The following SEMA6A variants were observed in gnomAD, a reference collection of about 807,000 sequenced individuals.
The protein encoded by SEMA6A is semaphorin-6A.
A neutral mutation model predicts 96.8 loss-of-function variants in SEMA6A; 25 were observed. The ratio of observed to expected loss-of-function variants is 0.26; its 90% confidence interval spans 0.19 to 0.36. SEMA6A has a LOEUF of 0.36. Ranked by LOEUF, SEMA6A falls within the 10% of genes least tolerant of loss-of-function variation. The pLI is 1.00. For synonymous variants in SEMA6A, 612 were observed against 518.0 expected, an observed-to-expected ratio of 1.18 and a Z score of -2.46; for missense variants, 1,363 against 1,323.1, an observed-to-expected ratio of 1.03 and a Z score of -0.47.
At chr5:116,481,600 A>G (rs1756775649) in intron 11 of SEMA6A, among the ~76,000 whole-genome samples, 1 of 152,170 alleles carries the variant, frequency 6.6e-6, no homozygotes, top group Non-Finnish European at 1.5e-5. Flanking sequence ...AATTAGTAAG[A>G]CATTGGGCTT....
intron 1 of SEMA6A, among the ~76,000 whole-genome samples, chr5:116,559,648 A>T (rs1329730792): frequency 6.6e-6 from 1 of 152,146 alleles, no homozygotes; most frequent in East Asian, 1.9e-4. Context: ...ATTATGTGTC[A>T]CTTAAATACG....
In SEMA6A at chr5:116,507,604, C is replaced by T. The variant is rs560009636; in HGVS notation, c.-38-2622G>A. ...CTTTCAAAACTTTGAAAAGTGCTAC[C>T]CACATGTAGCATATTTATAGGTATC... On this transcript the variant is annotated intron_variant, in intron 1 of 18. Coordinates refer to ENST00000343348, the MANE Select transcript of SEMA6A (RefSeq NM_020796.5). Among the ~76,000 whole-genome samples the T allele has an allele frequency of 9.9e-5, 15 of 152,230 alleles. 1 individual carries two copies. The highest frequency in any genetic ancestry group is 3.4e-4 in the African/African-American group (14 of 41,562).
intron 18 of SEMA6A, among the ~76,000 whole-genome samples, chr5:116,459,289 T>G (rs1343803240): frequency 6.6e-6 from 1 of 152,182 alleles, no homozygotes; most frequent in Non-Finnish European, 1.5e-5. Context: ...TTTCCCAAAC[T>G]TATTGTGTAC....
At chr5:116,450,002 C>A (rs1431223138) in intron 18 of SEMA6A, 1 of 152,210 alleles carries the variant, frequency 6.6e-6, no homozygotes, top group African/African-American at 2.4e-5. Context: ...ATTTTAGTAC[C>A]TATTCACCAA....
At chr5:116,535,166 A>G (rs1221559225) in intron 1 of SEMA6A, among the ~76,000 whole-genome samples, 1 of 152,238 alleles carries the variant, frequency 6.6e-6, no homozygotes, top group Admixed American at 6.5e-5. Flanking sequence ...TGAGAGGAGC[A>G]CACAGCACAA....
chr5:116,514,296 CG>C (rs774138437), intron 1 of SEMA6A, among the ~76,000 whole-genome samples: 19 of 151,884 alleles, frequency 1.3e-4, no homozygotes, highest in Non-Finnish European at 2.2e-4. Flanking sequence ...TAGTATCTGT[CG>C]TTTTTTTACT....
intron 1 of SEMA6A, among the ~76,000 whole-genome samples, chr5:116,522,212 A>G (rs1211518758): frequency 6.6e-6 from 1 of 152,034 alleles, no homozygotes; most frequent in Non-Finnish European, 1.5e-5. Flanking sequence ...TATGTTGTAC[A>G]TTTTTATGTT....
intron 18 of SEMA6A, among the ~76,000 whole-genome samples, chr5:116,461,003 G>T (rs1348032671): frequency 2.0e-5 from 3 of 151,960 alleles, no homozygotes; most frequent in Non-Finnish European, 1.5e-5. Context: ...TAAAAGTTTA[G>T]AGCAATAAAA....
chr5:116,547,356 T>A (rs931726481), intron 1 of SEMA6A, among the ~76,000 whole-genome samples: 2 of 152,206 alleles, frequency 1.3e-5, no homozygotes, highest in African/African-American at 4.8e-5. Flanking sequence ...ACCCTCTGAA[T>A]GTATTCATCC....
At chr5:116,487,746 C>A (rs1202426517) in intron 9 of SEMA6A, among the ~76,000 whole-genome samples, 1 of 152,076 alleles carries the variant, frequency 6.6e-6, no homozygotes, top group Non-Finnish European at 1.5e-5. Context: ...TGCCTGTAAT[C>A]CCAGCTACTC....
chr5:116,459,661 T>G (rs1755248132), intron 18 of SEMA6A, among the ~76,000 whole-genome samples: 1 of 152,176 alleles, frequency 6.6e-6, no homozygotes, highest in African/African-American at 2.4e-5. Flanking sequence ...CTTCAAGACT[T>G]TGAAAGGTCT....
At position 116,545,188 on chromosome 5, in the gene SEMA6A, C is replaced by T. The variant is rs116990789; in HGVS notation, c.-39+28997G>A. 2.3e-4 allele frequency among the ~76,000 whole-genome samples: 35 copies of T among 152,294 alleles called. 1 individual carries two copies. The East Asian group carries it at 6.8e-3, about 29-fold the overall frequency. ...CATATCCCTGCTCTCTTTGAAATAG[C>T]CAGTCGGGTTTAGCTTAGATTGTGC... On this transcript the variant is annotated intron_variant, in intron 1 of 18. Coordinates refer to ENST00000343348, the MANE Select transcript of SEMA6A (RefSeq NM_020796.5).
At chr5:116,562,929 G>A (rs563774229) in intron 1 of SEMA6A, 113 of 588,826 alleles carry the variant, frequency 1.9e-4, no homozygotes, top group Non-Finnish European at 3.1e-4. Flanking sequence ...CCTCGGGTAT[G>A]AAGATGGGGT....
At chr5:116,469,005 T>G (rs961474853) in intron 17 of SEMA6A, 1 of 152,168 alleles carries the variant, frequency 6.6e-6, no homozygotes, top group Admixed American at 6.5e-5. Flanking sequence ...CCCAGGAGAC[T>G]GTAATATTGC....
chr5:116,554,399 C>T (rs1760531654), intron 1 of SEMA6A, among the ~76,000 whole-genome samples: 2 of 152,162 alleles, frequency 1.3e-5, no homozygotes, highest in South Asian at 4.2e-4. Context: ...ATAGTCAAAC[C>T]AGTTTGCCCC....
At chr5:116,562,887 C>A (rs959367320) in intron 1 of SEMA6A, 9 of 623,792 alleles carry the variant, frequency 1.4e-5, no homozygotes, top group Admixed American at 1.4e-4. Flanking sequence ...ACTCCTGGAC[C>A]TGGGGCCCAG....
intron 10 of SEMA6A, 102 bp downstream of exon 10, chr5:116,486,647 C>A: frequency 1.1e-6 from 1 of 914,024 alleles, no homozygotes; most frequent in Non-Finnish European, 1.7e-6. Context: ...ACAATGAATG[C>A]AATTTTCAGT....
At chr5:116,560,163 C>G (rs960117617) in intron 1 of SEMA6A, among the ~76,000 whole-genome samples, 4 of 152,184 alleles carry the variant, frequency 2.6e-5, no homozygotes, top group African/African-American at 9.6e-5. Context: ...GACCTCACTC[C>G]GCAATTGAAA....
intron 15 of SEMA6A, 29 bp downstream of exon 15, chr5:116,477,817 C>A: frequency 1.2e-6 from 2 of 1,610,292 alleles, no homozygotes; most frequent in Non-Finnish European, 1.7e-6. Flanking sequence ...GAAGCCACTT[C>A]ACCCTCTCCC....
Sources: allele counts gnomAD v4.1 joint callset (sites outside exome capture counted in the v4.1 genomes callset), GRCh38; gene constraint gnomAD v4.1.1; transcripts MANE v1.5; gene names NCBI Gene and HGNC (gene_info 2026-07-23, HGNC 2026-07-21).